Variants in RASEF observed in about 807,000 individuals in gnomAD.
RASEF encodes the protein RAS and EF-hand domain containing, also known as ras and EF-hand domain-containing protein.
Under a neutral mutation model 90.1 loss-of-function variants are expected in RASEF, and 68 were observed. The ratio of observed to expected loss-of-function variants is 0.75; its 90% CI spans 0.62 to 0.92. RASEF has a LOEUF of 0.92. Ranked by LOEUF, RASEF falls within the 40% of genes least tolerant of loss-of-function variation. The pLI, the probability that RASEF is intolerant of heterozygous loss-of-function variation, is 0.00. For synonymous variants in RASEF, 331 were observed against 345.2 expected (o/e 0.96, Z 0.46); for missense variants, 949 against 937.2 (o/e 1.01, Z -0.16).
chr9:83,112,031 A>G, the RASEF span, among the ~76,000 whole-genome samples: 1 of 152,038 alleles, frequency 6.6e-6, no homozygotes, highest in African/African-American at 2.4e-5. Context: ...CGAACTTATG[A>G]TAAATAAATG....
At chr9:83,200,100 G>T in the RASEF span, among the ~76,000 whole-genome samples, 11 of 152,186 alleles carry the variant, frequency 7.2e-5, no homozygotes, top group Non-Finnish European at 1.3e-4. Context: ...CCTTCTAAAG[G>T]CCGGGCGCGG....
chr9:83,042,291 G>A (rs931614262), intron 1 of RASEF, among the ~76,000 whole-genome samples: 18 of 152,126 alleles, frequency 1.2e-4, no homozygotes, highest in African/African-American at 4.1e-4. Context: ...AGTGGACAAG[G>A]AGAATCCACA....
the RASEF span, among the ~76,000 whole-genome samples, chr9:83,190,023 C>T: frequency 6.8e-4 from 104 of 152,260 alleles, 1 homozygote; most frequent in East Asian, 0.018. Context: ...ATGTTCTGCT[C>T]GCCCACTTCG....
At chr9:83,163,514 CA>C in the RASEF span, among the ~76,000 whole-genome samples, 1,626 of 152,130 alleles carry the variant, frequency 0.011, 31 homozygotes, top group African/African-American at 0.036. Flanking sequence ...GCAACATAAA[CA>C]AGAAGATGAA....
intron 1 of RASEF, among the ~76,000 whole-genome samples, chr9:83,041,240 G>T (rs1829836023): frequency 1.3e-5 from 2 of 152,140 alleles, no homozygotes; most frequent in African/African-American, 4.8e-5. Context: ...TGAAATTATT[G>T]TCTATGACAT....
chr9:83,038,754 TAATAA>T (rs1302266635), intron 1 of RASEF, among the ~76,000 whole-genome samples: 1 of 152,204 alleles, frequency 6.6e-6, no homozygotes, highest in African/African-American at 2.4e-5. Context: ...ATTTGTCAGA[TAATAA>T]AATAGTGTTT....
At chr9:83,089,195 C>A in the RASEF span, among the ~76,000 whole-genome samples, 3 of 151,952 alleles carry the variant, frequency 2.0e-5, no homozygotes. Flanking sequence ...AAGCTTTGTT[C>A]TCTTGCTACT....
chr9:83,144,391 G>GAAAAGAAAGAAAGAAA, the RASEF span, among the ~76,000 whole-genome samples: 31 of 33,242 alleles, frequency 9.3e-4, 1 homozygote, highest in African/African-American at 2.2e-3. Context: ...AAGAAAGAAA[G>GAAAAGAAAGAAAGAAA]GAAAGAAAGA....
chr9:83,049,226 C>G (rs1414139684), intron 1 of RASEF: 2 of 742,658 alleles, frequency 2.7e-6, no homozygotes, highest in Non-Finnish European at 3.3e-6. Flanking sequence ...CAGATATAAA[C>G]TTCCTTGTAC....
At chr9:83,205,679 A>G in the RASEF span, among the ~76,000 whole-genome samples, 1 of 152,212 alleles carries the variant, frequency 6.6e-6, no homozygotes, top group Non-Finnish European at 1.5e-5. Context: ...TTCCCTTGGT[A>G]CAGTATCTTA....
the RASEF span, among the ~76,000 whole-genome samples, chr9:83,207,858 C>T: frequency 1.3e-5 from 2 of 152,038 alleles, no homozygotes; most frequent in African/African-American, 2.4e-5. Flanking sequence ...CACCCGTCTC[C>T]GCCTCCCAAA....
At chr9:83,092,106 G>A in the RASEF span, among the ~76,000 whole-genome samples, 10 of 139,698 alleles carry the variant, frequency 7.2e-5, no homozygotes, top group Non-Finnish European at 1.5e-4. Context: ...GTTGATTCTG[G>A]CTATTTTTTC....
At chr9:82,989,632 T>C (rs1313429565) in intron 16 of RASEF, among the ~76,000 whole-genome samples, 2 of 152,222 alleles carry the variant, frequency 1.3e-5, no homozygotes, top group African/African-American at 4.8e-5. Context: ...TATAAAACCT[T>C]ACAAATAATC....
intron 1 of RASEF, among the ~76,000 whole-genome samples, chr9:83,044,673 G>A (rs192906196): frequency 1.6e-4 from 24 of 152,222 alleles, no homozygotes; most frequent in Admixed American, 1.2e-3. Context: ...ATTCAAAAAC[G>A]CTCTGTGATC....
rs1225833385 is a variant in RASEF, at chr9:83,000,880, G to C, written c.1437+16C>G. On this transcript the variant is annotated intron_variant, in intron 10 of 16. Coordinates refer to ENST00000376447, the MANE Select transcript of RASEF (RefSeq NM_152573.4). ...CACGTAGAAGGCCTAGGAGAGCAGT[G>C]GTTTCTGGGGCTTACATCTGTGTCT... 1 of 1,597,632 alleles carries C rather than the reference G, an allele frequency of 6.3e-7. No homozygotes were observed. Among genetic ancestry groups the C allele is most frequent in the East Asian group, 2.2e-5 (1 of 44,788 alleles).
At chr9:83,086,338 A>T in the RASEF span, among the ~76,000 whole-genome samples, 1 of 152,162 alleles carries the variant, frequency 6.6e-6, no homozygotes, top group Non-Finnish European at 1.5e-5. Flanking sequence ...AAATATCCAT[A>T]AAGGGGCTGG....
At chr9:83,112,272 A>T in the RASEF span, among the ~76,000 whole-genome samples, 1 of 152,354 alleles carries the variant, frequency 6.6e-6, no homozygotes, top group Non-Finnish European at 1.5e-5. Context: ...TCCAGTAATT[A>T]TACCTCTAAG....
At chr9:83,146,199 G>A in the RASEF span, among the ~76,000 whole-genome samples, 1 of 151,556 alleles carries the variant, frequency 6.6e-6, no homozygotes, top group South Asian at 2.1e-4. Context: ...ACAGGGCAAC[G>A]ATAAAAACAA....
the RASEF span, among the ~76,000 whole-genome samples, chr9:83,079,008 T>A: frequency 8.5e-5 from 13 of 152,140 alleles, no homozygotes; most frequent in African/African-American, 2.9e-4. Context: ...GTTTCCTCTG[T>A]TGTTTCCTCT....
Sources: allele counts gnomAD v4.1 joint callset (sites outside exome capture counted in the v4.1 genomes callset), GRCh38; gene constraint gnomAD v4.1.1; transcripts MANE v1.5; gene names NCBI Gene and HGNC (gene_info 2026-07-23, HGNC 2026-07-21).